Variants in PREX1 observed in about 807,000 individuals in gnomAD.
PREX1 encodes phosphatidylinositol 3,4,5-trisphosphate-dependent Rac exchanger 1 protein.
PREX1 carries 41 observed loss-of-function variants against 198.3 expected under a neutral mutation model. That is an observed-to-expected ratio of 0.21 (90% CI 0.16 to 0.27). The LOEUF (loss-of-function observed/expected upper bound fraction) is 0.27, where lower values mean the gene tolerates loss of function less well. PREX1 is among the 10% of genes least tolerant of loss of function. PREX1 has a pLI of 1.00. For synonymous variants in PREX1, 843 were observed against 887.2 expected, an observed-to-expected ratio of 0.95 and a Z score of 0.89; for missense variants, 1,620 against 2,200.7, an observed-to-expected ratio of 0.74 and a Z score of 5.28.
At chr20:48,732,586 T>G (rs1282081643) in intron 4 of PREX1, among the ~76,000 whole-genome samples, 1 of 152,196 alleles carries the variant, frequency 6.6e-6, no homozygotes, top group Non-Finnish European at 1.5e-5. Flanking sequence ...CAACCACTTT[T>G]CTAGGATGGA....
chr20:48,756,092 T>A (rs2090154950), intron 1 of PREX1, among the ~76,000 whole-genome samples: 1 of 152,108 alleles, frequency 6.6e-6, no homozygotes, highest in South Asian at 2.1e-4. Flanking sequence ...AAGGCAAATA[T>A]GAGATGGAAA....
At chr20:48,760,680 G>C (rs760569380) in intron 1 of PREX1, among the ~76,000 whole-genome samples, 2 of 152,132 alleles carry the variant, frequency 1.3e-5, no homozygotes, top group Non-Finnish European at 2.9e-5. Flanking sequence ...GAAGTTGCTT[G>C]TGATGATATT....
intron 5 of PREX1, among the ~76,000 whole-genome samples, chr20:48,711,073 C>T (rs1013065449): frequency 6.6e-6 from 1 of 152,234 alleles, no homozygotes; most frequent in Admixed American, 6.5e-5. Context: ...CAGGAGGATG[C>T]ACGGGATGGA....
At chr20:48,880,270 G>A in the PREX1 span, among the ~76,000 whole-genome samples, 1 of 152,306 alleles carries the variant, frequency 6.6e-6, no homozygotes, top group Admixed American at 6.5e-5. Context: ...AGGTGGTCAA[G>A]GAGAAGGAAA....
At chr20:48,656,730 TCA>T (rs1476723711) in intron 18 of PREX1, among the ~76,000 whole-genome samples, 1 of 152,128 alleles carries the variant, frequency 6.6e-6, no homozygotes, top group Non-Finnish European at 1.5e-5. Context: ...CAGCACAGGC[TCA>T]GTGTCTTACT....
chr20:48,872,736 ACT>A, the PREX1 span, among the ~76,000 whole-genome samples: 2 of 152,126 alleles, frequency 1.3e-5, no homozygotes, highest in African/African-American at 4.8e-5. Context: ...ACAGAGCGAG[ACT>A]CTGTCTCAAT....
At chr20:48,762,870 T>C (rs779892849) in intron 1 of PREX1, among the ~76,000 whole-genome samples, 2 of 152,138 alleles carry the variant, frequency 1.3e-5, no homozygotes, top group African/African-American at 2.4e-5. Flanking sequence ...ACCTGGCTAA[T>C]GTTTGTATTT....
At chr20:48,850,836 T>C in the PREX1 span, among the ~76,000 whole-genome samples, 1 of 152,144 alleles carries the variant, frequency 6.6e-6, no homozygotes, top group Non-Finnish European at 1.5e-5. Flanking sequence ...TCTGTCTGCC[T>C]GGCAAACTCC....
At position 48,827,969 on chromosome 20, in the gene PREX1, G is replaced by C. The variant is rs1054724136; in HGVS notation, c.-109C>G. 6.3e-6 allele frequency: 2 copies of C among 318,156 alleles called. No homozygotes were observed. Among genetic ancestry groups the C allele is most frequent in the African/African-American group, 2.3e-5 (1 of 43,646 alleles). The allele number at this position is 318,156 out of a possible 1,614,324, so 19.7% of individuals were successfully genotyped here. A position where few individuals can be genotyped will look rare whatever the true frequency, so the allele number is the denominator to read the frequency against. On this transcript the variant is annotated 5_prime_UTR_variant, in exon 1 of 40. Transcript: ENST00000371941. The surrounding 1 kb of genome is among the most constrained non-coding windows in gnomAD (Gnocchi z 4.1). ...GCGCCGGCGGGCCGGGCTCAGCGGC[G>C]GGCCGGGCTCCCGGCGCGGCGGGCG...
chr20:48,746,993 CACACACACACACACA>C (rs2090111287), intron 2 of PREX1, among the ~76,000 whole-genome samples: 4 of 128,310 alleles, frequency 3.1e-5, no homozygotes, highest in Non-Finnish European at 6.5e-5. Context: ...CACACACACA[CACACACACACACACA>C]CACCCCACCC....
chr20:48,648,937 C>T (rs1029545780), intron 25 of PREX1, among the ~76,000 whole-genome samples: 8 of 139,486 alleles, frequency 5.7e-5, no homozygotes, highest in African/African-American at 2.1e-4. Context: ...GTACAGCTGC[C>T]TCCTTTCTAT....
At chr20:48,810,943 G>A (rs935027885) in intron 1 of PREX1, among the ~76,000 whole-genome samples, 2 of 152,006 alleles carry the variant, frequency 1.3e-5, no homozygotes, top group African/African-American at 4.8e-5. Flanking sequence ...CATAATAAAT[G>A]GCAACCAATG....
chr20:48,843,761 G>C, the PREX1 span, among the ~76,000 whole-genome samples: 1 of 152,136 alleles, frequency 6.6e-6, no homozygotes, highest in Non-Finnish European at 1.5e-5. Flanking sequence ...GACAGCAAGA[G>C]TGGGGATGCA....
Position 48,636,321 on chromosome 20 carries a change from C to T in PREX1, c.4167+142G>A, listed in dbSNP as rs1877859465. The T allele has an allele frequency of 8.1e-6, 7 of 862,134 alleles. No individual in the cohort carries two copies. The South Asian group carries it at 8.7e-5, about 11-fold the overall frequency. The allele number at this position is 862,134 out of a possible 1,614,324, so 53.4% of individuals were successfully genotyped here. A position where few individuals can be genotyped will look rare whatever the true frequency, so the allele number is the denominator to read the frequency against. On this transcript the variant is annotated intron_variant, in intron 32 of 39. Transcript: ENST00000371941. ...GACCTTCAGTGCCTATAAAACAGCA[C>T]ACAGGTGCTCAACAAATAGCTGCTG...
the PREX1 span, among the ~76,000 whole-genome samples, chr20:48,867,821 A>G: frequency 1.3e-5 from 2 of 152,032 alleles, no homozygotes; most frequent in Non-Finnish European, 2.9e-5. Context: ...AAATAAATAA[A>G]TAAAACAATT....
In PREX1 at chr20:48,691,155, C is replaced by A; in HGVS notation, c.1037-59G>T. 4.4e-6 allele frequency: 7 copies of A among 1,608,374 alleles called. No individual in the cohort carries two copies. The South Asian group carries it at 6.6e-5, about 15-fold the overall frequency. ...ACTCAGCCGCGTGACCTTCAACACT[C>A]CCCATTGCCAAGCCCTTCCGCCCCA... On this transcript the variant is annotated intron_variant, in intron 8 of 39. Transcript: ENST00000371941. This position sits in a 1 kb window ranked among gnomAD's most constrained non-coding sequence, Gnocchi z 5.0.
At chr20:48,634,153 TG>T in intron 33 of PREX1, among the ~76,000 whole-genome samples, 1 of 130,896 alleles carries the variant, frequency 7.6e-6, no homozygotes, top group South Asian at 2.8e-4. Flanking sequence ...GGTGGATGGA[TG>T]GATGGATGGA....
intron 5 of PREX1, among the ~76,000 whole-genome samples, chr20:48,725,890 T>C (rs2090007662): frequency 6.6e-6 from 1 of 152,186 alleles, no homozygotes. Flanking sequence ...TGATAAATGG[T>C]ACATGCAAAG....
intron 14 of PREX1, among the ~76,000 whole-genome samples, chr20:48,670,679 AT>A (rs2089669574): frequency 6.6e-6 from 1 of 152,090 alleles, no homozygotes; most frequent in Non-Finnish European, 1.5e-5. Context: ...CCTCATCCAT[AT>A]TTTTATTTCA....
Sources: gnomAD v4.1 joint callset for allele counts (sites outside exome capture counted in the v4.1 genomes callset) on GRCh38, gnomAD v4.1.1 for gene constraint, Gnocchi (gnomAD v3.1) non-coding constraint, MANE v1.5 for transcripts, NCBI Gene and HGNC (gene_info 2026-07-23, HGNC 2026-07-21) for gene names.